NF1: variants seen among roughly 807,000 people sequenced by gnomAD.
NF1 encodes neurofibromin 1.
NF1 carries 122 observed loss-of-function variants against 325.7 expected under a neutral mutation model. The ratio of observed to expected loss-of-function variants is 0.37; its 90% confidence interval spans 0.32 to 0.44. The LOEUF is 0.44. NF1 is among the 20% of genes least tolerant of loss of function. The pLI is 1.00. For missense variants in NF1, 2,140 were observed against 3,415.4 expected, an observed-to-expected ratio of 0.63 and a Z score of 9.31; for synonymous variants, 1,091 against 1,186.0, an observed-to-expected ratio of 0.92 and a Z score of 1.65.
chr17:31,328,700 A>T (rs1375496993), intron 38 of NF1, among the ~76,000 whole-genome samples: 1 of 152,140 alleles, frequency 6.6e-6, no homozygotes, highest in Non-Finnish European at 1.5e-5. Context: ...GACTTTGAAG[A>T]TTTTTCAGAT....
At position 31,233,003 on chromosome 17, in the gene NF1, C is replaced by T. The variant is rs2066733; in HGVS notation, c.3498C>T (p.Gly1166=). 1,111 of 1,614,124 alleles carry T rather than the reference C, an allele frequency of 6.9e-4. 8 individuals are homozygous for T. The African/African-American group carries it at 0.013, about 19-fold the overall frequency. Residue 1166 remains glycine, a splice_region_variant and synonymous_variant, in exon 27 of 58, where the codon GGC becomes GGT. Coordinates refer to ENST00000358273, the MANE Select transcript of NF1 (RefSeq NM_001042492.3). ...TTTGCATCTGTTTGTCCACATTAGG[C>T]TTAGGTTACCACAAGGATCTCCAGA... The part of the protein sequence containing the change: ...NVDSGLMHSI[G]LGYHKDLQTR...
At chr17:31,324,732 T>C (rs1421895442) in intron 36 of NF1, among the ~76,000 whole-genome samples, 2 of 152,164 alleles carry the variant, frequency 1.3e-5, no homozygotes, top group African/African-American at 4.8e-5. Context: ...TGGCTGATTT[T>C]TGTATTTTTA....
At chr17:31,269,727 G>C (rs2067856780) in intron 36 of NF1, among the ~76,000 whole-genome samples, 1 of 152,148 alleles carries the variant, frequency 6.6e-6, no homozygotes, top group African/African-American at 2.4e-5. Flanking sequence ...GTAATGGTTT[G>C]TGTTCTCCCA....
intron 36 of NF1, chr17:31,297,172 A>T (rs2068485070): frequency 6.6e-6 from 1 of 152,244 alleles, no homozygotes; most frequent in East Asian, 1.9e-4. Flanking sequence ...GTCGTCTTCA[A>T]CATCAGCATC....
At chr17:31,247,193 CAAAA>C (rs10564306) in intron 29 of NF1, among the ~76,000 whole-genome samples, 16 of 94,414 alleles carry the variant, frequency 1.7e-4, no homozygotes, top group Non-Finnish European at 2.1e-4. Context: ...GACTCCATCT[CAAAA>C]AAAAAAAAAA....
chr17:31,295,125 A>C, intron 36 of NF1: 10 of 1,614,114 alleles, frequency 6.2e-6, no homozygotes, highest in Non-Finnish European at 8.5e-6. Flanking sequence ...TCTTCCCTCC[A>C]TAAGTTAAGG....
At position 31,325,908 on chromosome 17, in the gene NF1, G is replaced by T. The variant is rs2151537778; in HGVS notation, c.4924G>T (p.Val1642Leu). 6.2e-7 allele frequency: 1 copy of T among 1,614,160 alleles called. No individual in the cohort carries two copies. Among genetic ancestry groups the T allele is most frequent in the Non-Finnish European group, 8.5e-7 (1 of 1,180,006 alleles). ...KPYYAKPYEI[V>L]VDLTHTGPSN... ...ATATTATGCAAAGCCATATGAAATT[G>T]TAGTGGACCTTACCCATACCGGGCC... Residue 1642 changes from valine to leucine, a missense_variant, in exon 37 of 58, where the codon GTA becomes TTA. Physicochemically the swap from Val to Leu is conservative, Grantham distance 32 (BLOSUM62 1). Transcript: ENST00000358273.
chr17:31,181,641 A>G, intron 6 of NF1, 69 bp from the exon 7 acceptor site: 1 of 1,312,760 alleles, frequency 7.6e-7, no homozygotes, highest in South Asian at 1.2e-5. Context: ...AGGAAGTTAG[A>G]AGTTTGTGAC....
intron 31 of NF1, among the ~76,000 whole-genome samples, chr17:31,258,099 A>G (rs991184870): frequency 1.3e-5 from 2 of 152,154 alleles, no homozygotes; most frequent in African/African-American, 4.8e-5. Context: ...TCTTCTACCC[A>G]TCTCATCCAT....
At chr17:31,235,313 T>C (rs2067180829) in intron 27 of NF1, among the ~76,000 whole-genome samples, 2 of 152,232 alleles carry the variant, frequency 1.3e-5, no homozygotes, top group South Asian at 4.1e-4. Context: ...TCTTTCATTT[T>C]GTGATGTAAT....
At chr17:31,369,373 A>G (rs1204313398) in intron 57 of NF1, among the ~76,000 whole-genome samples, 1 of 152,202 alleles carries the variant, frequency 6.6e-6, no homozygotes, top group Non-Finnish European at 1.5e-5. Context: ...TTTATCTGGA[A>G]CCACCACAAT....
chr17:31,280,433 C>G (rs890139253), intron 36 of NF1, among the ~76,000 whole-genome samples: 5 of 145,986 alleles, frequency 3.4e-5, no homozygotes, highest in African/African-American at 1.0e-4. Context: ...AGGAGAATCG[C>G]TTGAACCCGG....
chr17:31,170,089 G>C (rs1215234526), intron 5 of NF1, 92 bp downstream of exon 5: 1 of 805,952 alleles, frequency 1.2e-6, no homozygotes, highest in East Asian at 2.6e-5. Flanking sequence ...TGCTGAACTA[G>C]AACACCAAAC....
chr17:31,149,496 C>T (rs1005940872), intron 1 of NF1, among the ~76,000 whole-genome samples: 1 of 152,120 alleles, frequency 6.6e-6, no homozygotes, highest in African/African-American at 2.4e-5. Context: ...GATGGAGTTT[C>T]AGCATGTTGG....
intron 4 of NF1, among the ~76,000 whole-genome samples, chr17:31,165,543 A>G (rs1004289044): frequency 2.0e-5 from 3 of 152,188 alleles, no homozygotes; most frequent in African/African-American, 4.8e-5. Flanking sequence ...GATTGATCTT[A>G]TGTTTTATAT....
At chr17:31,158,297 G>C (rs2065703239) in intron 2 of NF1, among the ~76,000 whole-genome samples, 1 of 151,964 alleles carries the variant, frequency 6.6e-6, no homozygotes, top group South Asian at 2.1e-4. Flanking sequence ...CCTTCTTTAT[G>C]GAAAAAATTA....
chr17:31,292,618 GTTGTTCA>G (rs1411053080), intron 36 of NF1, among the ~76,000 whole-genome samples: 2 of 152,122 alleles, frequency 1.3e-5, no homozygotes, highest in African/African-American at 4.8e-5. Flanking sequence ...TCAAACCCAT[GTTGTTCA>G]AGGGTCAACT....
rs750972729 is a variant in NF1, at chr17:31,357,059, C to T, written c.7838C>T (p.Pro2613Leu). The part of the protein sequence containing the change: ...VLLDEEVLTD[P>L]KIQALLLTVL... ...TTGGATGAAGAAGTACTTACTGATC[C>T]GAAGATCCAGGCGCTGCTTCTTACT... is the stretch of plus-strand genomic sequence containing the variant. The change falls in exon 53 of 58, where the codon CCG (proline) becomes CTG (leucine). Residue 2613 changes from proline to leucine, a missense_variant. Transcript: ENST00000358273. 22 of 1,613,608 alleles carry T rather than the reference C, an allele frequency of 1.4e-5. No individual in the cohort carries two copies. The highest frequency in any genetic ancestry group is 3.3e-5 in the South Asian group (3 of 91,068).
At chr17:31,119,141 C>T (rs972677064) in intron 1 of NF1, among the ~76,000 whole-genome samples, 2 of 152,068 alleles carry the variant, frequency 1.3e-5, no homozygotes, top group African/African-American at 4.8e-5. Flanking sequence ...CAGCGTTTCA[C>T]CATGTTGGGC....
Sources: allele counts gnomAD v4.1 joint callset (sites outside exome capture counted in the v4.1 genomes callset), GRCh38; gene constraint gnomAD v4.1.1; transcripts MANE v1.5; gene names NCBI Gene and HGNC (gene_info 2026-07-23, HGNC 2026-07-21).